The following GSE1 variants were observed in gnomAD, a reference collection of about 807,000 sequenced individuals.
GSE1 encodes the protein Gse1 coiled-coil protein.
Under a neutral mutation model 112.6 loss-of-function variants are expected in GSE1, and 32 were observed. That is an observed-to-expected ratio of 0.28 (90% CI 0.21 to 0.38). The LOEUF (loss-of-function observed/expected upper bound fraction) is 0.38. Ranked by LOEUF, GSE1 falls within the 10% of genes least tolerant of loss-of-function variation. The pLI, the probability that GSE1 is intolerant of heterozygous loss-of-function variation, is 1.00. For synonymous variants in GSE1, 1,115 were observed against 735.6 expected (o/e 1.52, Z -8.35); for missense variants, 2,348 against 1,699.2 (o/e 1.38, Z -6.71).
At chr16:85,245,958 G>A (rs558424863) in intron 1 of GSE1, among the ~76,000 whole-genome samples, 45 of 150,924 alleles carry the variant, frequency 3.0e-4, no homozygotes, top group East Asian at 1.4e-3. Flanking sequence ...GGAGCAGGGC[G>A]TGTGTGTGTG....
At chr16:85,395,685 G>A (rs2047948259) in intron 2 of GSE1, among the ~76,000 whole-genome samples, 1 of 152,110 alleles carries the variant, frequency 6.6e-6, no homozygotes, top group African/African-American at 2.4e-5. Flanking sequence ...CTGAACAAAT[G>A]CTCCCTCCCT....
rs377014975 is a variant in GSE1, at chr16:85,301,210, C to A, written c.2284-56253C>A. The stretch of plus-strand genomic sequence containing the variant: ...CAGGCATGTTTATGGTTAAACCTCC[C>A]AGGTCGAGCCCGTGTTCCATTTTAT... On this transcript the variant is annotated intron_variant, in intron 1 of 2. Coordinates refer to the GSE1 transcript ENST00000637419. 2.6e-5 allele frequency among the ~76,000 whole-genome samples: 4 copies of A among 152,222 alleles called. No individual in the cohort carries two copies. In the East Asian group the frequency reaches 7.7e-4, roughly 29 times the overall value.
chr16:85,675,395 G>A lies in GSE1; in HGVS notation c.*2856G>A, dbSNP rs573674809. On this transcript the variant is annotated 3_prime_UTR_variant, in exon 16 of 16. Coordinates refer to ENST00000253458, the MANE Select transcript of GSE1 (RefSeq NM_014615.5). ...TGCTTCATATAGTCAGAGTCAGACT[G>A]ACATGATAAAATATCATGTTCCTAA... 4.6e-5 allele frequency: 7 copies of A among 152,322 alleles called. No homozygotes were observed. Among genetic ancestry groups the A allele is most frequent in the South Asian group, 2.1e-4 (1 of 4,830 alleles). The allele number at this position is 152,322 out of a possible 1,614,324, so 9.4% of individuals were successfully genotyped here. A position where few individuals can be genotyped will look rare whatever the true frequency, so the allele number is the denominator to read the frequency against.
intron 1 of GSE1, among the ~76,000 whole-genome samples, chr16:85,239,658 G>C (rs932996170): frequency 6.6e-6 from 1 of 152,200 alleles, no homozygotes; most frequent in Non-Finnish European, 1.5e-5. Flanking sequence ...GGGCCCCACG[G>C]CTCCCAGCTC....
At chr16:85,171,884 C>G (rs1052715606) in intron 1 of GSE1, 1 of 797,692 alleles carries the variant, frequency 1.3e-6, no homozygotes, top group Non-Finnish European at 1.5e-6. Context: ...TTTTCTGTTC[C>G]TCAGAAAAAC....
intron 2 of GSE1, among the ~76,000 whole-genome samples, chr16:85,367,791 T>C (rs2047214623): frequency 6.6e-6 from 1 of 151,930 alleles, no homozygotes; most frequent in Non-Finnish European, 1.5e-5. Context: ...TTTAGTCAGC[T>C]GTTGCTGGGA....
intron 1 of GSE1, among the ~76,000 whole-genome samples, chr16:85,337,243 A>C (rs2046510306): frequency 6.6e-6 from 1 of 150,846 alleles, no homozygotes; most frequent in East Asian, 1.9e-4. Flanking sequence ...CAGCCCCCTT[A>C]GGAGGACAGG....
chr16:85,222,243 C>A (rs889113109), intron 1 of GSE1, among the ~76,000 whole-genome samples: 2 of 152,218 alleles, frequency 1.3e-5, no homozygotes, highest in Non-Finnish European at 2.9e-5. Flanking sequence ...GAGCGGGGCC[C>A]ACCAGACCTT....
chr16:85,198,076 G>C (rs1236107905), intron 1 of GSE1, among the ~76,000 whole-genome samples: 1 of 152,146 alleles, frequency 6.6e-6, no homozygotes, highest in Non-Finnish European at 1.5e-5. Context: ...GGACGTGCAG[G>C]TGTGGCCCTC....
At chr16:85,418,134 G>A (rs912328463) in intron 2 of GSE1, among the ~76,000 whole-genome samples, 1 of 152,262 alleles carries the variant, frequency 6.6e-6, no homozygotes, top group Non-Finnish European at 1.5e-5. Context: ...ACCGCGCCTG[G>A]CTGGAGGCTG....
chr16:85,330,928 C>T (rs1472396616), intron 1 of GSE1, among the ~76,000 whole-genome samples: 2 of 152,042 alleles, frequency 1.3e-5, no homozygotes, highest in East Asian at 1.9e-4. Context: ...GCTTAAGACA[C>T]GTGGGAGCTG....
At chr16:85,526,138 A>G (rs1036181399) in intron 2 of GSE1, among the ~76,000 whole-genome samples, 1 of 152,162 alleles carries the variant, frequency 6.6e-6, no homozygotes. Flanking sequence ...CTCGCAGCCC[A>G]CCAGCCGGAC....
upstream of GSE1, among the ~76,000 whole-genome samples, chr16:85,553,607 CG>C (rs2045046853): frequency 6.6e-6 from 1 of 152,122 alleles, no homozygotes; most frequent in East Asian, 1.9e-4. Flanking sequence ...GGTCGAGCCC[CG>C]GAGGAAGGCG....
intron 1 of GSE1, chr16:85,594,707 C>T (rs2047147407): frequency 6.6e-6 from 1 of 152,266 alleles, no homozygotes; most frequent in African/African-American, 2.4e-5. Context: ...ATTATTGTCC[C>T]TGCCTTCTGG....
Position 85,221,556 on chromosome 16 carries a change from G to A in GSE1, c.2283+49749G>A, listed in dbSNP as rs1487365752. 2.6e-5 allele frequency among the ~76,000 whole-genome samples: 4 copies of A among 152,256 alleles called. No individual in the cohort carries two copies. The East Asian group carries it at 5.8e-4, about 22-fold the overall frequency. On this transcript the variant is annotated intron_variant, in intron 1 of 2. Transcript: ENST00000637419. ...CTGGTCCCCTGTTCACATGGCAGCA[G>A]GTTCCCTAAACCAGGCACCACCCGT... is the stretch of plus-strand genomic sequence containing the variant.
intron 1 of GSE1, among the ~76,000 whole-genome samples, chr16:85,626,395 A>G (rs915013860): frequency 1.3e-5 from 2 of 152,248 alleles, no homozygotes; most frequent in African/African-American, 4.8e-5. Flanking sequence ...CGTTAGGGCC[A>G]CGGAAGCTTC....
intron 2 of GSE1, among the ~76,000 whole-genome samples, chr16:85,414,961 T>C (rs2048670791): frequency 6.6e-6 from 1 of 152,188 alleles, no homozygotes; most frequent in African/African-American, 2.4e-5. Context: ...TTATTTACTT[T>C]TGATACAGGG....
chr16:85,296,987 CTG>C (rs1567671085), intron 1 of GSE1, among the ~76,000 whole-genome samples: 1 of 152,214 alleles, frequency 6.6e-6, no homozygotes, highest in Non-Finnish European at 1.5e-5. Flanking sequence ...TGACCTCACT[CTG>C]TGCCTGCTGG....
chr16:85,545,702 C>T (rs1333008406), intron 2 of GSE1, among the ~76,000 whole-genome samples: 3 of 152,158 alleles, frequency 2.0e-5, no homozygotes, highest in South Asian at 2.1e-4. Context: ...GCACAGTATT[C>T]GGCAGAAAGT....
Sources: gnomAD v4.1 joint callset for allele counts (sites outside exome capture counted in the v4.1 genomes callset) on GRCh38, gnomAD v4.1.1 for gene constraint, MANE v1.5 for transcripts, NCBI Gene and HGNC (gene_info 2026-07-23, HGNC 2026-07-21) for gene names.